Variants in LIPI observed in about 807,000 individuals in gnomAD.
LIPI encodes lipase member I.
In LIPI, 59 loss-of-function variants were observed where a neutral mutation model predicts 50.6. That is an observed-to-expected ratio of 1.16 (90% confidence interval 0.94 to 1.45). LIPI has a LOEUF of 1.45. Among genes scored for constraint, LIPI ranks in the 40% most tolerant of loss-of-function variants. The pLI, the probability that LIPI is intolerant of heterozygous loss-of-function variation, is 0.00. For missense variants in LIPI, 586 were observed against 536.3 expected, an observed-to-expected ratio of 1.09 and a Z score of -0.92; for synonymous variants, 203 against 178.2, an observed-to-expected ratio of 1.14 and a Z score of -1.11.
chr21:14,188,065 A>G (rs2019518072), intron 2 of LIPI, among the ~76,000 whole-genome samples: 1 of 152,186 alleles, frequency 6.6e-6, no homozygotes, highest in Non-Finnish European at 1.5e-5. Flanking sequence ...AAGCTCAATA[A>G]TGCCCCCGAA....
At chr21:14,162,238 C>A (rs1346713513) in intron 7 of LIPI, among the ~76,000 whole-genome samples, 1 of 151,288 alleles carries the variant, frequency 6.6e-6, no homozygotes, top group African/African-American at 2.4e-5. Context: ...AAAAAGGTCA[C>A]ATGCTGGATG....
intron 2 of LIPI, among the ~76,000 whole-genome samples, chr21:14,187,745 A>G (rs2019505054): frequency 6.7e-6 from 1 of 148,308 alleles, no homozygotes; most frequent in East Asian, 2.0e-4. Context: ...TGTAAAAATA[A>G]TAATGAAAGT....
At chr21:14,182,960 A>G (rs1247606888) in intron 3 of LIPI, among the ~76,000 whole-genome samples, 1 of 152,212 alleles carries the variant, frequency 6.6e-6, no homozygotes, top group Non-Finnish European at 1.5e-5. Flanking sequence ...TCTTCACAGA[A>G]TTCGAAAAAA....
chr21:14,151,871 T>C (rs1275653159), intron 8 of LIPI, among the ~76,000 whole-genome samples: 1 of 151,934 alleles, frequency 6.6e-6, no homozygotes, highest in Non-Finnish European at 1.5e-5. Flanking sequence ...CCCTCCCCTA[T>C]TGTTTGGGAG....
intron 4 of LIPI, among the ~76,000 whole-genome samples, chr21:14,179,964 C>T (rs424238): frequency 0.14 from 21,070 of 152,026 alleles, 1,924 homozygotes; most frequent in Non-Finnish European, 0.2. Flanking sequence ...AGCGTATAAA[C>T]GGACGTGCAA....
chr21:14,133,451 A>G (rs1270053227), intron 9 of LIPI, among the ~76,000 whole-genome samples: 2 of 152,232 alleles, frequency 1.3e-5, no homozygotes, highest in Non-Finnish European at 2.9e-5. Context: ...ATTCTCAACA[A>G]ACTAGACATA....
At chr21:14,163,732 A>T (rs1179661026) in intron 6 of LIPI, among the ~76,000 whole-genome samples, 1 of 152,016 alleles carries the variant, frequency 6.6e-6, no homozygotes, top group African/African-American at 2.4e-5. Flanking sequence ...TTCACAAATA[A>T]ATCTGCTCCC....
intron 9 of LIPI, among the ~76,000 whole-genome samples, chr21:14,138,324 CTA>C (rs2017582845): frequency 6.6e-6 from 1 of 152,066 alleles, no homozygotes; most frequent in Non-Finnish European, 1.5e-5. Context: ...TATTGGCTGT[CTA>C]AGTTTATTCT....
intron 7 of LIPI, among the ~76,000 whole-genome samples, chr21:14,155,602 G>C (rs1017185036): frequency 1.3e-5 from 2 of 151,996 alleles, no homozygotes; most frequent in Admixed American, 6.6e-5. Context: ...ACCTACAGGA[G>C]AACACCAGTT....
chr21:14,113,042 A>T (rs991715030), intron 9 of LIPI, among the ~76,000 whole-genome samples: 2 of 152,244 alleles, frequency 1.3e-5, no homozygotes, highest in South Asian at 4.1e-4. Flanking sequence ...CTGAGCACTT[A>T]TCCAAGCTAG....
At chr21:14,166,669 C>T (rs1035904731) in intron 4 of LIPI, among the ~76,000 whole-genome samples, 6 of 152,176 alleles carry the variant, frequency 3.9e-5, no homozygotes, top group South Asian at 2.1e-4. Flanking sequence ...AGTTTACTAT[C>T]GGTCAGTCAC....
At chr21:14,198,861 T>C (rs1425474567) in intron 1 of LIPI, among the ~76,000 whole-genome samples, 1 of 151,972 alleles carries the variant, frequency 6.6e-6, no homozygotes, top group African/African-American at 2.4e-5. Context: ...TAATTGAAAG[T>C]AAAACACTCC....
intron 6 of LIPI, among the ~76,000 whole-genome samples, chr21:14,163,944 G>C (rs2018583610): frequency 6.6e-6 from 1 of 151,178 alleles, no homozygotes; most frequent in Non-Finnish European, 1.5e-5. Flanking sequence ...AATACATACA[G>C]ATATGGCATG....
rs569772238 is a variant in LIPI, at chr21:14,198,742, A to T, written c.47-9323T>A. ...CAGAAAATTAATAAAGATATTTAGG[A>T]TCAGAACTCAGCACTGGGTCAAATG... On this transcript the variant is annotated intron_variant, in intron 1 of 9. Coordinates refer to ENST00000681601, the MANE Select transcript of LIPI (RefSeq NM_001302998.2). Among the ~76,000 whole-genome samples, 3 of 152,286 alleles carry T rather than the reference A, an allele frequency of 2.0e-5. No individual in the cohort carries two copies. In the East Asian group the frequency reaches 5.8e-4, roughly 29 times the overall value.
chr21:14,188,930 T>C, intron 2 of LIPI, 104 bp downstream of exon 2: 1 of 976,146 alleles, frequency 1.0e-6, no homozygotes, highest in African/African-American at 1.6e-5. Flanking sequence ...GAAAAGTATA[T>C]AGTTTATTAT....
intron 9 of LIPI, among the ~76,000 whole-genome samples, chr21:14,128,878 T>TA (rs2017173017): frequency 6.6e-6 from 1 of 152,104 alleles, no homozygotes; most frequent in African/African-American, 2.4e-5. Context: ...TCCTATATCC[T>TA]TAACAACGCC....
At chr21:14,167,757 A>C (rs987377930) in intron 4 of LIPI, among the ~76,000 whole-genome samples, 7 of 152,124 alleles carry the variant, frequency 4.6e-5, no homozygotes, top group African/African-American at 1.4e-4. Context: ...AAACCACAAA[A>C]ATGGGGAAAA....
intron 3 of LIPI, among the ~76,000 whole-genome samples, chr21:14,184,772 C>A (rs2019396207): frequency 6.6e-6 from 1 of 152,158 alleles, no homozygotes. Flanking sequence ...AGAGAATGAG[C>A]TTTAAGCACT....
At chr21:14,174,435 AG>A (rs1264956924) in intron 4 of LIPI, among the ~76,000 whole-genome samples, 7 of 152,210 alleles carry the variant, frequency 4.6e-5, no homozygotes, top group African/African-American at 1.4e-4. Flanking sequence ...ACTAATGTAA[AG>A]AAATAGCACC....
Sources: gnomAD v4.1 joint callset for allele counts (sites outside exome capture counted in the v4.1 genomes callset) on GRCh38, gnomAD v4.1.1 for gene constraint, MANE v1.5 for transcripts, NCBI Gene and HGNC (gene_info 2026-07-23, HGNC 2026-07-21) for gene names.